The following ARID1B variants were observed in gnomAD, a reference collection of about 807,000 sequenced individuals.
The protein encoded by ARID1B is AT-rich interactive domain-containing protein 1B.
A neutral mutation model predicts 212.3 loss-of-function variants in ARID1B; 30 were observed. That is an observed-to-expected ratio of 0.14 (90% CI 0.11 to 0.19). The LOEUF (loss-of-function observed/expected upper bound fraction) is 0.19. Among genes scored for constraint, ARID1B ranks in the 10% least tolerant of loss-of-function variants. ARID1B has a pLI of 1.00. For missense variants in ARID1B, 2,891 were observed against 3,204.0 expected (o/e 0.90, Z 2.36); for synonymous variants, 1,402 against 1,301.7 (o/e 1.08, Z -1.66).
chr6:157,139,854 C>G (rs1402168073), intron 7 of ARID1B, among the ~76,000 whole-genome samples: 1 of 151,474 alleles, frequency 6.6e-6, no homozygotes, highest in Admixed American at 6.6e-5. Context: ...TCTGGGGTAG[C>G]TAGGATTACA....
intron 1 of ARID1B, among the ~76,000 whole-genome samples, chr6:156,794,615 C>T (rs1184048318): frequency 7.4e-6 from 1 of 135,562 alleles, no homozygotes; most frequent in Non-Finnish European, 1.6e-5. Context: ...TTCACATCAT[C>T]ACCCAGGCTG....
At chr6:156,974,891 A>G (rs1353642636) in intron 4 of ARID1B, among the ~76,000 whole-genome samples, 2 of 152,190 alleles carry the variant, frequency 1.3e-5, no homozygotes, top group Non-Finnish European at 1.5e-5. Flanking sequence ...TCAATATTTT[A>G]TAAACACCAC....
intron 1 of ARID1B, among the ~76,000 whole-genome samples, chr6:156,807,590 T>C (rs1455663567): frequency 6.6e-6 from 1 of 152,218 alleles, no homozygotes; most frequent in East Asian, 1.9e-4. Flanking sequence ...CAGAAGTATA[T>C]GCTCTTAAGT....
At chr6:156,903,800 T>G (rs1789139450) in intron 3 of ARID1B, among the ~76,000 whole-genome samples, 1 of 152,210 alleles carries the variant, frequency 6.6e-6, no homozygotes, top group African/African-American at 2.4e-5. Context: ...AGAACATTTC[T>G]TTATGCAGTC....
At chr6:156,966,367 A>G (rs1430720754) in intron 4 of ARID1B, among the ~76,000 whole-genome samples, 1 of 149,806 alleles carries the variant, frequency 6.7e-6, no homozygotes, top group Admixed American at 6.6e-5. Context: ...ACAGACATAA[A>G]TAACTTTTCT....
chr6:157,021,263 G>T (rs1214724211), intron 4 of ARID1B, among the ~76,000 whole-genome samples: 1 of 152,248 alleles, frequency 6.6e-6, no homozygotes, highest in African/African-American at 2.4e-5. Flanking sequence ...CCGCGGTACA[G>T]CGGGGAGACT....
At chr6:157,136,095 G>T (rs1483878798) in intron 7 of ARID1B, among the ~76,000 whole-genome samples, 2 of 152,124 alleles carry the variant, frequency 1.3e-5, no homozygotes, top group African/African-American at 2.4e-5. Flanking sequence ...TATTTTCTAA[G>T]TGTTTTTTAT....
At chr6:157,073,377 T>C (rs988134448) in intron 4 of ARID1B, among the ~76,000 whole-genome samples, 2 of 152,122 alleles carry the variant, frequency 1.3e-5, no homozygotes, top group East Asian at 1.9e-4. Context: ...GTGCTAGGAT[T>C]ACAGATGTGA....
intron 1 of ARID1B, among the ~76,000 whole-genome samples, chr6:156,808,288 TGTA>T (rs548476535): frequency 3.2e-4 from 49 of 152,340 alleles, no homozygotes; most frequent in Admixed American, 1.7e-3. Context: ...AAGGAGAACA[TGTA>T]GTGGTATAAT....
chr6:156,893,340 AG>A (rs1205325229), intron 2 of ARID1B, among the ~76,000 whole-genome samples: 1 of 152,226 alleles, frequency 6.6e-6, no homozygotes, highest in African/African-American at 2.4e-5. Context: ...AACTCTTAAA[AG>A]AAAACAGAGG....
At chr6:157,018,686 C>G (rs1461488768) in intron 4 of ARID1B, among the ~76,000 whole-genome samples, 1 of 152,178 alleles carries the variant, frequency 6.6e-6, no homozygotes, top group African/African-American at 2.4e-5. Context: ...TCTTTCATTT[C>G]TGCTTAAATT....
intron 6 of ARID1B, among the ~76,000 whole-genome samples, chr6:157,122,292 A>T (rs1193828620): frequency 1.3e-5 from 2 of 152,210 alleles, no homozygotes; most frequent in Non-Finnish European, 2.9e-5. Context: ...ACAAGAATGG[A>T]TTATTGGAAT....
intron 13 of ARID1B, chr6:157,186,760 C>T (rs1793004264): frequency 2.9e-6 from 1 of 342,932 alleles, no homozygotes; most frequent in South Asian, 2.3e-5. Flanking sequence ...GCGAACTAAA[C>T]TAAAAGATTC....
intron 4 of ARID1B, among the ~76,000 whole-genome samples, chr6:156,979,597 C>T (rs138729847): frequency 0.011 from 1,673 of 151,444 alleles, 27 homozygotes; most frequent in African/African-American, 0.038. Context: ...CTCGCTCTGT[C>T]GCCAGGCTGG....
chr6:156,914,569 G>GGCCC (rs1790194561), intron 3 of ARID1B, among the ~76,000 whole-genome samples: 1 of 152,048 alleles, frequency 6.6e-6, no homozygotes, highest in African/African-American at 2.4e-5. Context: ...TTTTTTTGTG[G>GGCCC]CTCTACCCAC....
At chr6:157,185,616 G>A (rs1792920108) in intron 13 of ARID1B, 1 of 152,200 alleles carries the variant, frequency 6.6e-6, no homozygotes. Context: ...GGCATCTGGT[G>A]CTACAGTATA....
intron 8 of ARID1B, among the ~76,000 whole-genome samples, chr6:157,155,288 C>T (rs938923445): frequency 3.9e-5 from 6 of 152,106 alleles, no homozygotes; most frequent in Admixed American, 3.9e-4. Context: ...TGGAGTATGG[C>T]TGTTAAAGTA....
intron 4 of ARID1B, among the ~76,000 whole-genome samples, chr6:157,016,980 G>A (rs996005735): frequency 5.3e-5 from 8 of 152,156 alleles, no homozygotes; most frequent in African/African-American, 1.7e-4. Context: ...TTGCTTAAAG[G>A]TTGAAATGAT....
intron 3 of ARID1B, among the ~76,000 whole-genome samples, chr6:156,915,690 G>A (rs1051471636): frequency 3.3e-5 from 5 of 151,920 alleles, no homozygotes; most frequent in South Asian, 2.1e-4. Flanking sequence ...GAGGCCAGGC[G>A]TTCAAGACTA....
Sources: allele counts gnomAD v4.1 joint callset (sites outside exome capture counted in the v4.1 genomes callset), GRCh38; gene constraint gnomAD v4.1.1; transcripts MANE v1.5; gene names NCBI Gene and HGNC (gene_info 2026-07-23, HGNC 2026-07-21).